Variants in SNX14 observed in about 807,000 individuals in gnomAD.
The protein encoded by SNX14 is sorting nexin-14.
In SNX14, 93 loss-of-function variants were observed where a neutral mutation model predicts 133.8. That is an observed-to-expected ratio of 0.70 (90% CI 0.59 to 0.83). The LOEUF (loss-of-function observed/expected upper bound fraction) is 0.83. Among genes scored for constraint, SNX14 ranks in the 40% least tolerant of loss-of-function variants. The probability of loss-of-function intolerance (pLI) is 0.00; values close to 1 mark genes in which losing one functional copy is unlikely to be tolerated. For synonymous variants in SNX14, 368 were observed against 365.6 expected, an observed-to-expected ratio of 1.01 and a Z score of -0.07; for missense variants, 945 against 1,094.9, an observed-to-expected ratio of 0.86 and a Z score of 1.93.
chr6:85,514,336 T>G, intron 24 of SNX14, 102 bp from the exon 25 acceptor site: 22 of 1,470,356 alleles, frequency 1.5e-5, no homozygotes, highest in Non-Finnish European at 2.0e-5. Context: ...AATATTTTAT[T>G]TGTAAACACT....
chr6:85,540,568 C>T (rs1465942410), intron 15 of SNX14, among the ~76,000 whole-genome samples: 1 of 152,172 alleles, frequency 6.6e-6, no homozygotes, highest in Admixed American at 6.5e-5. Context: ...GAAAAAGTTA[C>T]AAAGTGGTAT....
intron 23 of SNX14, among the ~76,000 whole-genome samples, chr6:85,516,575 GAA>G (rs1247678159): frequency 6.8e-6 from 1 of 146,128 alleles, no homozygotes; most frequent in Non-Finnish European, 1.5e-5. Context: ...GACAGAATGA[GAA>G]AGAAAAATTA....
chr6:85,558,265 G>A (rs1228391423), intron 6 of SNX14, among the ~76,000 whole-genome samples: 3 of 152,084 alleles, frequency 2.0e-5, no homozygotes, highest in Admixed American at 6.5e-5. Context: ...ATCTTAATAT[G>A]TATACCTTAA....
At chr6:85,516,625 C>T (rs1436010688) in intron 23 of SNX14, among the ~76,000 whole-genome samples, 1 of 149,556 alleles carries the variant, frequency 6.7e-6, no homozygotes, top group Non-Finnish European at 1.5e-5. Flanking sequence ...ATGTAAACTT[C>T]CTTAATCTTT....
chr6:85,557,092 A>G (rs1180303106), intron 7 of SNX14, among the ~76,000 whole-genome samples: 2 of 152,184 alleles, frequency 1.3e-5, no homozygotes, highest in African/African-American at 2.4e-5. Flanking sequence ...GAATTTCTAC[A>G]AGGGGAATAC....
chr6:85,585,457 GA>G (rs1299052360), intron 1 of SNX14, among the ~76,000 whole-genome samples: 7 of 151,558 alleles, frequency 4.6e-5, no homozygotes, highest in African/African-American at 7.3e-5. Context: ...AACTTGGGGG[GA>G]AAAACAATAA....
chr6:85,522,241 A>T (rs1466045741), intron 21 of SNX14, among the ~76,000 whole-genome samples: 2 of 152,184 alleles, frequency 1.3e-5, no homozygotes, highest in Non-Finnish European at 2.9e-5. Context: ...CCACAGACGT[A>T]TAGATCAGTT....
chr6:85,565,529 T>A (rs893521801), intron 5 of SNX14, 110 bp from the exon 6 acceptor site: 8 of 683,370 alleles, frequency 1.2e-5, no homozygotes, highest in Middle Eastern at 5.7e-4. Flanking sequence ...CTACTTTCTT[T>A]TTTCATTTAC....
intron 1 of SNX14, among the ~76,000 whole-genome samples, chr6:85,578,996 G>A (rs1451147659): frequency 6.6e-6 from 1 of 152,016 alleles, no homozygotes; most frequent in African/African-American, 2.4e-5. Context: ...AAATTAGCCG[G>A]GCATGGTGGT....
At chr6:85,510,438 A>G (rs779732725) in intron 26 of SNX14, among the ~76,000 whole-genome samples, 17 of 152,120 alleles carry the variant, frequency 1.1e-4, no homozygotes, top group Non-Finnish European at 1.9e-4. Flanking sequence ...AGGTGTCAAG[A>G]TATTTGGCCA....
At chr6:85,584,970 T>C (rs1032515030) in intron 1 of SNX14, among the ~76,000 whole-genome samples, 7 of 152,132 alleles carry the variant, frequency 4.6e-5, no homozygotes, top group Admixed American at 1.3e-4. Flanking sequence ...TGCAGCACTA[T>C]ACACAATAGC....
At chr6:85,544,218 C>A (rs1161846766) in intron 12 of SNX14, among the ~76,000 whole-genome samples, 1 of 151,910 alleles carries the variant, frequency 6.6e-6, no homozygotes. Context: ...AATGTTTATT[C>A]CAAAATAAAA....
chr6:85,558,936 G>GAA (rs11316571), intron 6 of SNX14, among the ~76,000 whole-genome samples: 1 of 146,430 alleles, frequency 6.8e-6, no homozygotes. Context: ...CAGAAAACAG[G>GAA]AAAAAAAAAA....
chr6:85,565,539 C>T (rs1210837293), intron 5 of SNX14, 120 bp from the exon 6 acceptor site: 1 of 639,024 alleles, frequency 1.6e-6, no homozygotes, highest in African/African-American at 1.9e-5. Flanking sequence ...TTTTCATTTA[C>T]AAATAATACA....
At chr6:85,515,358 T>A (rs541923992) in intron 23 of SNX14, among the ~76,000 whole-genome samples, 1 of 150,878 alleles carries the variant, frequency 6.6e-6, no homozygotes, top group South Asian at 2.1e-4. Context: ...TGAAATTTAT[T>A]TGGACAATAT....
intron 15 of SNX14, 60 bp downstream of exon 15, chr6:85,541,925 A>G: frequency 8.0e-7 from 1 of 1,249,350 alleles, no homozygotes; most frequent in South Asian, 1.4e-5. Flanking sequence ...TAATAAAGAC[A>G]ATGATGCTAT....
At chr6:85,515,748 T>C (rs1363878246) in intron 23 of SNX14, among the ~76,000 whole-genome samples, 1 of 152,098 alleles carries the variant, frequency 6.6e-6, no homozygotes, top group East Asian at 1.9e-4. Context: ...CCCTCTACTC[T>C]TTTAAATTTT....
chr6:85,530,257 T>A lies in SNX14; in HGVS notation c.1829A>T (p.His610Leu), dbSNP rs762048093. The A allele has an allele frequency of 4.4e-6, 7 of 1,600,854 alleles. No individual in the cohort carries two copies. The Admixed American group carries it at 8.6e-5, about 20-fold the overall frequency. ...AAGATATCTTCTATAGACAGACCAA[T>A]GTTCAGGCTCGTGTCCAACTGTAAA... ...DRRAVGHEPEHWSVYRRYLEF... is the reference protein window; with the variant it reads ...DRRAVGHEPELWSVYRRYLEF... Residue 610 changes from histidine (H) to leucine (L), a missense_variant, in exon 19 of 29, where the codon CAT (histidine) becomes CTT (leucine). His to Leu is a moderately conservative substitution (Grantham distance 99). Around this residue, in one of 3 missense-constraint regions of SNX14, gnomAD observed 412 missense variants for 516.6 expected, o/e 0.80. Transcript: ENST00000314673.
At chr6:85,532,035 A>G (rs1780478709) in intron 18 of SNX14, among the ~76,000 whole-genome samples, 1 of 151,780 alleles carries the variant, frequency 6.6e-6, no homozygotes, top group East Asian at 1.9e-4. Flanking sequence ...CTCAAAAAGA[A>G]AAAAAATTAA....
Sources: gnomAD v4.1 joint callset for allele counts (sites outside exome capture counted in the v4.1 genomes callset) on GRCh38, gnomAD v4.1.1 for gene constraint, gnomAD v4.1.1 regional missense constraint, MANE v1.5 for transcripts, NCBI Gene and HGNC (gene_info 2026-07-23, HGNC 2026-07-21) for gene names.